SLC1A1: variants seen among roughly 807,000 people sequenced by gnomAD.
The protein encoded by SLC1A1 is excitatory amino acid transporter 3.
In SLC1A1, 43 loss-of-function variants were observed where a neutral mutation model predicts 53.3. The observed-to-expected ratio is 0.81, with a 90% CI of 0.63 to 1.04. SLC1A1 has a LOEUF of 1.04. SLC1A1 is among the 50% of genes least tolerant of loss of function. SLC1A1 has a pLI of 0.00. For synonymous variants in SLC1A1, 307 were observed against 243.2 expected (o/e 1.26, Z -2.44); for missense variants, 748 against 664.9 (o/e 1.12, Z -1.37).
intron 1 of SLC1A1, among the ~76,000 whole-genome samples, chr9:4,498,096 C>G (rs531745129): frequency 6.6e-6 from 1 of 152,306 alleles, no homozygotes; most frequent in East Asian, 1.9e-4. Flanking sequence ...GTCCTTCTAG[C>G]TTTAAGAACC....
intron 1 of SLC1A1, among the ~76,000 whole-genome samples, chr9:4,497,046 A>G (rs982506998): frequency 6.6e-6 from 1 of 152,116 alleles, no homozygotes; most frequent in African/African-American, 2.4e-5. Context: ...CCTGAGATGG[A>G]AGGGAGGAGT....
intron 1 of SLC1A1, among the ~76,000 whole-genome samples, chr9:4,530,184 A>G (rs892957608): frequency 4.2e-4 from 64 of 152,070 alleles, no homozygotes; most frequent in Admixed American, 4.1e-3. Flanking sequence ...AACATGCAAA[A>G]AGAGGGCCCA....
chr9:4,531,568 C>A (rs993797731), intron 1 of SLC1A1, among the ~76,000 whole-genome samples: 1 of 152,186 alleles, frequency 6.6e-6, no homozygotes, highest in South Asian at 2.1e-4. Context: ...GAAGCTCGAA[C>A]TGGGTGGAGC....
At chr9:4,574,298 C>T (rs559315042) in intron 8 of SLC1A1, among the ~76,000 whole-genome samples, 1 of 152,146 alleles carries the variant, frequency 6.6e-6, no homozygotes, top group Non-Finnish European at 1.5e-5. Flanking sequence ...AGAGAGAAAC[C>T]CACTCGTAGC....
At position 4,567,837 on chromosome 9, in the gene SLC1A1, A is replaced by T; in HGVS notation, c.582+70A>T. ...TGAGTCATGACTGAGCAGGAAATAC[A>T]ATCAATCCTCGTCATTCACAGAATC... On this transcript the variant is annotated intron_variant, in intron 6 of 11. Transcript: ENST00000262352. 10 of 965,540 alleles carry T rather than the reference A, an allele frequency of 1.0e-5. No individual in the cohort carries two copies. The Admixed American group carries it at 1.8e-4, about 17-fold the overall frequency. 59.8% of individuals were successfully genotyped at this position (965,540 alleles called of 1,614,324 possible).
intron 1 of SLC1A1, among the ~76,000 whole-genome samples, chr9:4,505,016 G>T (rs964578660): frequency 1.3e-5 from 2 of 150,884 alleles, no homozygotes; most frequent in Non-Finnish European, 2.9e-5. Context: ...TCGTGTGTGC[G>T]ATGTGGGGGT....
At chr9:4,564,277 A>C in intron 3 of SLC1A1, 67 bp from the exon 4 acceptor site, 1 of 1,052,656 alleles carries the variant, frequency 9.5e-7, no homozygotes, top group Non-Finnish European at 1.5e-6. Flanking sequence ...ATTGTTCTAA[A>C]GGTGCCAGCT....
At chr9:4,513,803 ATTC>A (rs1324607702) in intron 1 of SLC1A1, among the ~76,000 whole-genome samples, 29 of 152,248 alleles carry the variant, frequency 1.9e-4, no homozygotes, top group Admixed American at 1.9e-3. Flanking sequence ...CGAGTCAAAT[ATTC>A]TTCAATAAGT....
intron 1 of SLC1A1, among the ~76,000 whole-genome samples, chr9:4,508,880 G>A (rs905802705): frequency 6.6e-6 from 1 of 152,168 alleles, no homozygotes; most frequent in Non-Finnish European, 1.5e-5. Flanking sequence ...TTGATGCCGG[G>A]GCGGTGGGGT....
chr9:4,558,887 T>C (rs558857314), intron 2 of SLC1A1, among the ~76,000 whole-genome samples: 1 of 152,166 alleles, frequency 6.6e-6, no homozygotes, highest in South Asian at 2.1e-4. Context: ...TTACTTGGAG[T>C]CTGTTAAGGT....
At chr9:4,562,813 T>A (rs1819085856) in intron 3 of SLC1A1, among the ~76,000 whole-genome samples, 1 of 152,002 alleles carries the variant, frequency 6.6e-6, no homozygotes, top group Non-Finnish European at 1.5e-5. Flanking sequence ...ATCCAGTCTA[T>A]CATTGTTGGA....
At chr9:4,490,907 G>T (rs1253444187) in intron 1 of SLC1A1, 137 bp downstream of exon 1, 2 of 700,656 alleles carry the variant, frequency 2.9e-6, no homozygotes, top group African/African-American at 1.8e-5. Flanking sequence ...TTAGCCTCGG[G>T]CCCCCTGCGG....
At chr9:4,507,862 T>C (rs1261373800) in intron 1 of SLC1A1, among the ~76,000 whole-genome samples, 1 of 152,160 alleles carries the variant, frequency 6.6e-6, no homozygotes, top group Non-Finnish European at 1.5e-5. Context: ...GGTCAGATTT[T>C]ATTTACACAC....
chr9:4,559,679 C>G (rs1402172243), intron 2 of SLC1A1: 1 of 152,164 alleles, frequency 6.6e-6, no homozygotes, highest in African/African-American at 2.4e-5. Flanking sequence ...TCCTGCTACC[C>G]TGTACCTTAG....
chr9:4,559,434 G>C (rs753993024), intron 2 of SLC1A1, among the ~76,000 whole-genome samples: 2 of 151,584 alleles, frequency 1.3e-5, no homozygotes, highest in Non-Finnish European at 2.9e-5. Flanking sequence ...GGTGTGTTTA[G>C]AGTGAGAAAT....
intron 8 of SLC1A1, among the ~76,000 whole-genome samples, 189 bp downstream of exon 8, chr9:4,574,203 G>A (rs781560312): frequency 2.6e-5 from 4 of 152,168 alleles, no homozygotes; most frequent in Non-Finnish European, 5.9e-5. Flanking sequence ...ATCATGCTGT[G>A]CTAATTGTCA....
In SLC1A1 at chr9:4,573,903, C is replaced by A. The variant is rs368368579; in HGVS notation, c.768-4C>A. The A allele has an allele frequency of 6.3e-7, 1 of 1,592,216 alleles. No homozygotes were observed. Among genetic ancestry groups the A allele is most frequent in the South Asian group, 1.1e-5 (1 of 90,652 alleles). On this transcript the variant is annotated splice_region_variant and splice_polypyrimidine_tract_variant and intron_variant, in intron 7 of 11. Coordinates refer to ENST00000262352, the MANE Select transcript of SLC1A1 (RefSeq NM_004170.6). The stretch of plus-strand genomic sequence containing the variant: ...ATCACGCCTCTGTTGTGCTTCCTTT[C>A]CAGTTATATGCCACTAGGTATTTTG...
chr9:4,567,677 T>A lies in SLC1A1; in HGVS notation c.492T>A (p.Thr164=), dbSNP rs763412826. The part of the protein sequence containing the change: ...LVQACFQQYK[T]KREEVKPPSD... ...TTTTCTCCAACATGCAGTACAAAAC[T>A]AAGCGTGAAGAAGTGAAGCCTCCCA... Residue 164 remains threonine (T), a synonymous_variant, in exon 6 of 12, where the codon ACT becomes ACA. Transcript: ENST00000262352. The A allele has an allele frequency of 6.2e-7, 1 of 1,610,108 alleles. No individual in the cohort carries two copies. The highest frequency in any genetic ancestry group is 8.5e-7 in the Non-Finnish European group (1 of 1,176,666).
intron 1 of SLC1A1, among the ~76,000 whole-genome samples, chr9:4,531,616 C>T (rs1248779788): frequency 6.6e-6 from 1 of 152,188 alleles, no homozygotes; most frequent in Non-Finnish European, 1.5e-5. Context: ...CCTCTGTACA[C>T]TCCACCTCTA....
Sources: allele counts gnomAD v4.1 joint callset (sites outside exome capture counted in the v4.1 genomes callset), GRCh38; gene constraint gnomAD v4.1.1; transcripts MANE v1.5; gene names NCBI Gene and HGNC (gene_info 2026-07-23, HGNC 2026-07-21).